GSE1: variants seen among roughly 807,000 people sequenced by gnomAD.
GSE1 encodes Gse1 coiled-coil protein, also known as genetic suppressor element 1.
In GSE1, 32 loss-of-function variants were observed where a neutral mutation model predicts 112.6. The observed-to-expected ratio is 0.28, with a 90% CI of 0.21 to 0.38. The LOEUF is 0.38. GSE1 is among the 10% of genes least tolerant of loss of function. The pLI, the probability that GSE1 is intolerant of heterozygous loss-of-function variation, is 1.00. For missense variants in GSE1, 2,348 were observed against 1,699.2 expected, an observed-to-expected ratio of 1.38 and a Z score of -6.71; for synonymous variants, 1,115 against 735.6, an observed-to-expected ratio of 1.52 and a Z score of -8.35.
intron 1 of GSE1, among the ~76,000 whole-genome samples, chr16:85,230,702 C>G (rs1567625305): frequency 6.6e-6 from 1 of 152,232 alleles, no homozygotes; most frequent in African/African-American, 2.4e-5. Context: ...TGGCCTACCC[C>G]GGGGCACATG....
At chr16:85,506,601 G>A (rs909461614) in intron 2 of GSE1, among the ~76,000 whole-genome samples, 3 of 152,104 alleles carry the variant, frequency 2.0e-5, no homozygotes, top group Non-Finnish European at 4.4e-5. Context: ...CCAGGTAGGG[G>A]AAAACGCACT....
chr16:85,200,151 A>G (rs2075001845), intron 1 of GSE1, among the ~76,000 whole-genome samples: 1 of 151,712 alleles, frequency 6.6e-6, no homozygotes, highest in Non-Finnish European at 1.5e-5. Context: ...CTTTCCTCCC[A>G]CCTTCAAATA....
At chr16:85,553,860 T>C (rs1203257780), upstream of GSE1, among the ~76,000 whole-genome samples, 4 of 152,326 alleles carry the variant, frequency 2.6e-5, no homozygotes, top group Middle Eastern at 3.4e-3. Context: ...AACTGTCATT[T>C]GAAGCCGCTG....
chr16:85,172,922 C>T lies in GSE1; in HGVS notation c.2283+1115C>T, dbSNP rs142422037. 5.7e-3 allele frequency among the ~76,000 whole-genome samples: 865 copies of T among 152,334 alleles called. 11 individuals carry two copies. Among genetic ancestry groups the T allele is most frequent in the African/African-American group, 0.02 (822 of 41,560 alleles). On this transcript the variant is annotated intron_variant, in intron 1 of 2. Transcript: ENST00000637419. ...TGCCATGATTTGCCCACCTCTCCCC[C>T]GATACGCGGCCCCTGTCTTCATGCT...
chr16:85,171,462 C>A lies in GSE1; in HGVS notation c.1938C>A (p.Thr646=), dbSNP rs569281818. 28 of 985,544 alleles carry A rather than the reference C, an allele frequency of 2.8e-5. No homozygotes were observed. In the South Asian group the frequency reaches 1.2e-3, roughly 43 times the overall value. 61.0% of individuals were successfully genotyped at this position (985,544 alleles called of 1,614,324 possible). The change falls in exon 1 of 3, where the codon ACC becomes ACA. Residue 646 remains threonine, a synonymous_variant. Transcript: ENST00000637419. ...TGGACTCCACCGGCCTGGTGGCTAC[C>A]TGTGTGCTCTGCTACCATGACCTGC...
chr16:85,413,081 G>T (rs547730982), intron 2 of GSE1, among the ~76,000 whole-genome samples: 1 of 152,190 alleles, frequency 6.6e-6, no homozygotes, highest in Non-Finnish European at 1.5e-5. Context: ...AGCCCCTGCT[G>T]CTCTGCTTGT....
intron 2 of GSE1, among the ~76,000 whole-genome samples, chr16:85,379,526 A>G (rs1286940273): frequency 6.6e-6 from 1 of 151,764 alleles, no homozygotes; most frequent in Non-Finnish European, 1.5e-5. Context: ...TTCCTTCCTC[A>G]CCCCGTGGTG....
chr16:85,212,996 T>C (rs1366284828), intron 1 of GSE1, among the ~76,000 whole-genome samples: 1 of 151,914 alleles, frequency 6.6e-6, no homozygotes, highest in Non-Finnish European at 1.5e-5. Flanking sequence ...GGCTGCCGGA[T>C]GTGGTGGCTC....
At chr16:85,497,330 A>G (rs527829368) in intron 2 of GSE1, among the ~76,000 whole-genome samples, 24 of 152,312 alleles carry the variant, frequency 1.6e-4, no homozygotes, top group African/African-American at 5.5e-4. Context: ...GGCAGCAGGG[A>G]TTCCCAGATC....
intron 2 of GSE1, among the ~76,000 whole-genome samples, chr16:85,450,928 G>A (rs1291007850): frequency 1.3e-5 from 2 of 152,112 alleles, no homozygotes; most frequent in East Asian, 2.0e-4. Context: ...ACAAAAATTA[G>A]CTGGGCATGG....
chr16:85,237,619 A>G (rs1904792219), intron 1 of GSE1, among the ~76,000 whole-genome samples: 1 of 152,046 alleles, frequency 6.6e-6, no homozygotes, highest in Non-Finnish European at 1.5e-5. Flanking sequence ...CGGGCAGATC[A>G]CGCGGTCAGG....
intron 1 of GSE1, among the ~76,000 whole-genome samples, chr16:85,182,942 A>G (rs1353246208): frequency 6.6e-6 from 1 of 152,080 alleles, no homozygotes; most frequent in Non-Finnish European, 1.5e-5. Flanking sequence ...CCACGCTCGC[A>G]CACTTGTATG....
chr16:85,388,851 G>A (rs977624243), intron 2 of GSE1, among the ~76,000 whole-genome samples: 7 of 152,208 alleles, frequency 4.6e-5, no homozygotes, highest in African/African-American at 1.7e-4. Context: ...TGCACTGGGG[G>A]TTGGATTGAG....
At chr16:85,495,647 C>T (rs540075097) in intron 2 of GSE1, among the ~76,000 whole-genome samples, 5 of 152,052 alleles carry the variant, frequency 3.3e-5, no homozygotes, top group Admixed American at 6.5e-5. Flanking sequence ...CGCACTACCA[C>T]GTCTAGCTAA....
intron 1 of GSE1, among the ~76,000 whole-genome samples, chr16:85,329,496 A>G (rs937022968): frequency 3.3e-5 from 5 of 151,870 alleles, no homozygotes; most frequent in Admixed American, 6.5e-5. Flanking sequence ...AGCCACCTGC[A>G]GGTGGACCCT....
chr16:85,648,953 C>T (rs1025601359), intron 3 of GSE1, among the ~76,000 whole-genome samples: 2 of 152,102 alleles, frequency 1.3e-5, no homozygotes, highest in African/African-American at 4.8e-5. Context: ...AGTACATCGG[C>T]CCACGCATCA....
intron 1 of GSE1, among the ~76,000 whole-genome samples, chr16:85,252,264 G>T (rs13335535): frequency 0.022 from 3,379 of 150,262 alleles, 79 homozygotes; most frequent in African/African-American, 0.063. Context: ...ATCTCCATGC[G>T]ATCACCCGGC....
At chr16:85,377,429 A>T (rs560765521) in intron 2 of GSE1, among the ~76,000 whole-genome samples, 1 of 152,350 alleles carries the variant, frequency 6.6e-6, no homozygotes, top group Admixed American at 6.5e-5. Context: ...CCCTGGGGAA[A>T]GAGATGCCAA....
intron 1 of GSE1, among the ~76,000 whole-genome samples, chr16:85,241,332 G>T (rs955854165): frequency 6.6e-6 from 1 of 152,224 alleles, no homozygotes; most frequent in Admixed American, 6.5e-5. Context: ...GCACCTGGCA[G>T]TTGCCCCCTG....
Sources: allele counts gnomAD v4.1 joint callset (sites outside exome capture counted in the v4.1 genomes callset), GRCh38; gene constraint gnomAD v4.1.1; transcripts MANE v1.5; gene names NCBI Gene and HGNC (gene_info 2026-07-23, HGNC 2026-07-21).